Variants in SLC7A13 observed in about 807,000 individuals in gnomAD.
The protein encoded by SLC7A13 is X-amino acid transporter 2.
A neutral mutation model predicts 32.0 loss-of-function variants in SLC7A13; 31 were observed. The observed-to-expected ratio is 0.97, with a 90% CI of 0.73 to 1.31. The LOEUF (loss-of-function observed/expected upper bound fraction) is 1.31, where lower values mean the gene tolerates loss of function less well. Among genes scored for constraint, SLC7A13 ranks in the 50% most tolerant of loss-of-function variants. The pLI is 0.00. For missense variants in SLC7A13, 633 were observed against 546.9 expected (o/e 1.16, Z -1.57); for synonymous variants, 232 against 206.9 (o/e 1.12, Z -1.04).
In SLC7A13 at chr8:86,230,342, T is replaced by C; in HGVS notation, c.-65A>G. On this transcript the variant is annotated 5_prime_UTR_variant, in exon 1 of 4. Transcript: ENST00000297524. ...TTCTAGATTTTCCTGCCTATGTAGC[T>C]GCAAAGGATGTTGATGGATTCCTGA... 7.3e-7 allele frequency: 1 copy of C among 1,370,856 alleles called. No individual in the cohort carries two copies. 84.9% of individuals were successfully genotyped at this position (1,370,856 alleles called of 1,614,324 possible).
Position 86,216,983 on chromosome 8 carries a change from T to C in SLC7A13, c.1179+487A>G, listed in dbSNP as rs140844856. ...ACAATTAAGTGGTTGTCTCCTCTCC[T>C]GTGAAAAGTTTTTTCATCCAGACTG... On this transcript the variant is annotated intron_variant, in intron 3 of 3. Coordinates refer to ENST00000297524, the MANE Select transcript of SLC7A13 (RefSeq NM_138817.3). Among the ~76,000 whole-genome samples, 161 of 152,350 alleles carry C rather than the reference T, an allele frequency of 1.1e-3. 1 individual carries two copies. Among genetic ancestry groups the C allele is most frequent in the African/African-American group, 3.7e-3 (152 of 41,584 alleles).
At chr8:86,216,689 A>G (rs569193308) in intron 3 of SLC7A13, among the ~76,000 whole-genome samples, 6 of 152,308 alleles carry the variant, frequency 3.9e-5, no homozygotes, top group African/African-American at 1.4e-4. Flanking sequence ...GACTGCCTAG[A>G]TTTGAATCTT....
intron 1 of SLC7A13, among the ~76,000 whole-genome samples, chr8:86,226,918 G>C (rs1820396459): frequency 6.6e-6 from 1 of 152,058 alleles, no homozygotes; most frequent in African/African-American, 2.4e-5. Flanking sequence ...TGATTTCCAA[G>C]GTAATTATAT....
intron 2 of SLC7A13, among the ~76,000 whole-genome samples, chr8:86,218,687 T>G (rs1463551121): frequency 1.3e-5 from 2 of 151,980 alleles, no homozygotes; most frequent in African/African-American, 4.8e-5. Context: ...ATAAAAGATC[T>G]TATGAGTACT....
At chr8:86,225,879 T>C (rs1820382239) in intron 1 of SLC7A13, among the ~76,000 whole-genome samples, 1 of 152,104 alleles carries the variant, frequency 6.6e-6, no homozygotes, top group Non-Finnish European at 1.5e-5. Flanking sequence ...TGCAGTGAAC[T>C]ATGATTGCAC....
intron 1 of SLC7A13, among the ~76,000 whole-genome samples, chr8:86,223,923 T>G (rs562812144): frequency 6.6e-6 from 1 of 152,040 alleles, no homozygotes; most frequent in East Asian, 1.9e-4. Flanking sequence ...GAAGATAGAC[T>G]TAAGAATGAA....
chr8:86,222,024 G>A (rs565543316), intron 2 of SLC7A13, among the ~76,000 whole-genome samples: 1 of 152,220 alleles, frequency 6.6e-6, no homozygotes, highest in Non-Finnish European at 1.5e-5. Context: ...TCAGAAGCTT[G>A]AATCCATCTA....
At chr8:86,224,490 C>T (rs564179796) in intron 1 of SLC7A13, among the ~76,000 whole-genome samples, 72 of 152,276 alleles carry the variant, frequency 4.7e-4, no homozygotes, top group African/African-American at 1.7e-3. Flanking sequence ...ATGCTCTTGA[C>T]CATTCCTTTA....
chr8:86,215,769 G>A, intron 3 of SLC7A13: 1 of 362,416 alleles, frequency 2.8e-6, no homozygotes. Flanking sequence ...ATCATCTCAT[G>A]GCTCAGTATC....
Position 86,229,742 on chromosome 8 carries a change from A to T in SLC7A13, c.536T>A (p.Val179Glu). Residue 179 changes from valine (V) to glutamate (E), a missense_variant, in exon 1 of 4, where the codon GTA becomes GAA. Transcript: ENST00000297524. ...CTTTTTCCCTCTTATCAGGAACACTACTCCAGTTAGGGAAATGAAGCTAAG... is the reference window on the plus strand; with the variant it reads ...CTTTTTCCCTCTTATCAGGAACACTTCTCCAGTTAGGGAAATGAAGCTAAG... Reference protein sequence around the residue: ...SILSFISLTGVVFLIRGKKEN... With the variant: ...SILSFISLTGEVFLIRGKKEN... 6.2e-7 allele frequency: 1 copy of T among 1,614,120 alleles called. No individual in the cohort carries two copies.
At chr8:86,222,461 A>T (rs949186502) in intron 2 of SLC7A13, among the ~76,000 whole-genome samples, 33 of 152,166 alleles carry the variant, frequency 2.2e-4, no homozygotes, top group African/African-American at 7.7e-4. Flanking sequence ...TATGTTCAGG[A>T]CACTTTGCCA....
At chr8:86,226,520 A>T (rs1820390688) in intron 1 of SLC7A13, among the ~76,000 whole-genome samples, 2 of 152,138 alleles carry the variant, frequency 1.3e-5, no homozygotes, top group South Asian at 2.1e-4. Context: ...ACATATTGTG[A>T]TTTTCCTCTA....
chr8:86,220,654 A>G (rs1290500549), intron 2 of SLC7A13, among the ~76,000 whole-genome samples: 1 of 152,064 alleles, frequency 6.6e-6, no homozygotes, highest in Non-Finnish European at 1.5e-5. Flanking sequence ...CATATTTTTT[A>G]CATATACTTG....
chr8:86,223,588 C>G (rs114017085), intron 1 of SLC7A13, among the ~76,000 whole-genome samples: 2 of 151,922 alleles, frequency 1.3e-5, no homozygotes, highest in East Asian at 3.9e-4. Flanking sequence ...ATGTCCTATT[C>G]ATTTATTTTC....
intron 3 of SLC7A13, among the ~76,000 whole-genome samples, chr8:86,216,363 A>G (rs1820182245): frequency 6.6e-6 from 1 of 152,196 alleles, no homozygotes; most frequent in African/African-American, 2.4e-5. Flanking sequence ...GCAGACCACT[A>G]GGTAGCAATC....
chr8:86,216,149 C>A lies in SLC7A13; in HGVS notation c.1179+1321G>T, dbSNP rs1415094604. 2.0e-5 allele frequency among the ~76,000 whole-genome samples: 3 copies of A among 152,298 alleles called. No individual in the cohort carries two copies. The East Asian group carries it at 5.8e-4, about 29-fold the overall frequency. On this transcript the variant is annotated intron_variant, in intron 3 of 3. Transcript: ENST00000297524. ...TATATAACAAATTTATCCTCCAGTT[C>A]ATAACTTCTTTATAATTGTATCTAT...
At chr8:86,222,054 A>G (rs1340240300) in intron 2 of SLC7A13, among the ~76,000 whole-genome samples, 1 of 152,182 alleles carries the variant, frequency 6.6e-6, no homozygotes, top group Non-Finnish European at 1.5e-5. Flanking sequence ...TCCCTAAGAT[A>G]GCTAGACCAT....
At chr8:86,218,496 G>T (rs1262624944) in intron 2 of SLC7A13, among the ~76,000 whole-genome samples, 1 of 152,108 alleles carries the variant, frequency 6.6e-6, no homozygotes, top group Non-Finnish European at 1.5e-5. Flanking sequence ...GTTACAACCG[G>T]GGAGGTAGGA....
chr8:86,220,328 C>G (rs1275659691), intron 2 of SLC7A13, among the ~76,000 whole-genome samples: 1 of 152,106 alleles, frequency 6.6e-6, no homozygotes, highest in African/African-American at 2.4e-5. Context: ...TGGGACAGGG[C>G]TCCTCACTAA....
Sources: gnomAD v4.1 joint callset for allele counts (sites outside exome capture counted in the v4.1 genomes callset) on GRCh38, gnomAD v4.1.1 for gene constraint, MANE v1.5 for transcripts, NCBI Gene and HGNC (gene_info 2026-07-23, HGNC 2026-07-21) for gene names.